Variants in ZNF512B observed in about 807,000 individuals in gnomAD.
ZNF512B encodes the protein zinc finger protein 512B.
Under a neutral mutation model 87.8 loss-of-function variants are expected in ZNF512B, and 22 were observed. That is an observed-to-expected ratio of 0.25 (90% CI 0.18 to 0.36). The LOEUF is 0.36. Ranked by LOEUF, ZNF512B falls within the 10% of genes least tolerant of loss-of-function variation. The probability of loss-of-function intolerance (pLI) is 1.00; values close to 1 mark genes in which losing one functional copy is unlikely to be tolerated. For missense variants in ZNF512B, 1,060 were observed against 1,231.6 expected, an observed-to-expected ratio of 0.86 and a Z score of 2.09; for synonymous variants, 524 against 490.9, an observed-to-expected ratio of 1.07 and a Z score of -0.89.
chr20:63,968,094 G>T, intron 1 of ZNF512B, 142 bp from the exon 2 acceptor site: 1 of 1,096,328 alleles, frequency 9.1e-7, no homozygotes, highest in Non-Finnish European at 1.3e-6. Context: ...GTTCACGTGG[G>T]AAAAGCAAGT....
intron 1 of ZNF512B, among the ~76,000 whole-genome samples, chr20:63,968,436 G>A (rs572704440): frequency 8.1e-4 from 123 of 152,308 alleles, no homozygotes; most frequent in African/African-American, 2.8e-3. Context: ...CTCACAAGCT[G>A]CCCAGGCCCA....
Position 63,966,390 on chromosome 20 carries a change from T to A in ZNF512B, c.785A>T (p.Lys262Met). Reference sequence around the variant, plus strand: ...TACGGGTTTGGTGACCGGCACAGACTTGGTGACTGTGATGGGTTTGGTGAC... The same window carrying A: ...TACGGGTTTGGTGACCGGCACAGACATGGTGACTGTGATGGGTTTGGTGAC... ...MPVTKPITVT[K>M]SVPVTKPVPV... Residue 262 changes from lysine to methionine, a missense_variant, in exon 5 of 17, where the codon AAG (lysine) becomes ATG (methionine). Physicochemically the swap from Lys to Met is moderately conservative, Grantham distance 95 (BLOSUM62 -1). Transcript: ENST00000369888. 6.2e-7 allele frequency: 1 copy of A among 1,613,668 alleles called. No homozygotes were observed. The highest frequency in any genetic ancestry group is 8.5e-7 in the Non-Finnish European group (1 of 1,179,856).
Position 63,962,567 on chromosome 20 carries a change from C to A in ZNF512B, c.2163+20G>T. On this transcript the variant is annotated intron_variant, in intron 13 of 16. Coordinates refer to ENST00000369888, the MANE Select transcript of ZNF512B (RefSeq NM_020713.3). The stretch of plus-strand genomic sequence containing the variant: ...GCAGAGGCCACGGCGCTGTCCACAG[C>A]CCTGGGGGGGGCAGCTCACCCGTGC... 6.3e-7 allele frequency: 1 copy of A among 1,598,456 alleles called. No individual in the cohort carries two copies. The highest frequency in any genetic ancestry group is 1.1e-5 in the South Asian group (1 of 89,944).
rs1171625325 is a variant in ZNF512B at position 63,966,152 on chromosome 20, A to G, written c.1023T>C (p.Ser341=). The G allele has an allele frequency of 1.3e-6, 2 of 1,599,624 alleles. No homozygotes were observed. The highest frequency in any genetic ancestry group is 1.7e-6 in the Non-Finnish European group (2 of 1,171,040). The part of the protein sequence containing the change: ...NKAPRATGRN[S]GKKRAADSLD... ...ACGAGCCCCCATACCTTTTCTTACC[A>G]CTGTTCCTCCCTGTGGCACGAGGTG... The change falls in exon 5 of 17, where the codon AGT becomes AGC. Residue 341 remains serine, a synonymous_variant. Coordinates refer to ENST00000369888, the MANE Select transcript of ZNF512B (RefSeq NM_020713.3).
rs757760834 is a variant in ZNF512B, at chr20:63,959,918, C to T, written c.2649G>A (p.Lys883=). 3.7e-6 allele frequency: 6 copies of T among 1,602,788 alleles called. No individual in the cohort carries two copies. Among genetic ancestry groups the T allele is most frequent in the African/African-American group, 2.7e-5 (2 of 74,594 alleles). ...DKGARGSTGR[K]VGVSKAPEK ...TTTCAGGCGCCTTGCTGACTCCCAC[C>T]TTCCGGCCGGTGGAGCCCCGGGCCC... The change falls in exon 17 of 17, where the codon AAG becomes AAA. Residue 883 remains lysine (K), a synonymous_variant. Transcript: ENST00000369888.
intron 3 of ZNF512B, 45 bp from the exon 4 acceptor site, chr20:63,967,049 G>A: frequency 1.9e-6 from 3 of 1,608,626 alleles, no homozygotes; most frequent in Non-Finnish European, 1.7e-6. Context: ...AGCCACCTGG[G>A]CCACTGCCAG....
intron 1 of ZNF512B, chr20:63,969,312 C>G (rs1966954516): frequency 1.4e-5 from 6 of 427,696 alleles, no homozygotes; most frequent in Non-Finnish European, 1.9e-5. Flanking sequence ...GCGACTGGCG[C>G]CCCGGATGAG....
rs1456673337 is a variant in ZNF512B, at chr20:63,966,438, A to G, written c.737T>C (p.Met246Thr). The change falls in exon 5 of 17, where the codon ATG (methionine) becomes ACG (threonine). Residue 246 changes from methionine (M) to threonine (T), a missense_variant. Physicochemically the swap from Met to Thr is moderately conservative, Grantham distance 81 (BLOSUM62 -1). Coordinates refer to ENST00000369888, the MANE Select transcript of ZNF512B (RefSeq NM_020713.3). ...GACCGGCATGGCCTTGGTGACGGGC[A>G]TGGGCCTGCTGACTGTGACAGGTTT... ...VTKPVTVSRPMPVTKAMPVTK... is the reference protein window; with the variant it reads ...VTKPVTVSRPTPVTKAMPVTK... The G allele has an allele frequency of 1.2e-6, 2 of 1,614,022 alleles. No homozygotes were observed. Among genetic ancestry groups the G allele is most frequent in the Non-Finnish European group, 1.7e-6 (2 of 1,180,010 alleles).
chr20:63,962,246 G>GC (rs757293672), intron 14 of ZNF512B, 27 bp downstream of exon 14: 6 of 1,582,282 alleles, frequency 3.8e-6, no homozygotes, highest in South Asian at 2.3e-5. Flanking sequence ...GGCTCCCCAC[G>GC]CCCCCCACCC....
chr20:63,964,146 C>A lies in ZNF512B; in HGVS notation c.1405G>T (p.Ala469Ser), dbSNP rs375990139. Reference protein sequence around the residue: ...KKQEGPGPEDARKKVPAAPIT... With the variant: ...KKQEGPGPEDSRKKVPAAPIT... ...GGGGCAGCTGGCACCTTCTTCCGGG[C>A]GTCCTCAGGGCCTGGCCCCTCCTGC... Residue 469 changes from alanine to serine, a missense_variant, in exon 8 of 17, where the codon GCC (alanine) becomes TCC (serine). Physicochemically the swap from Ala to Ser is moderately conservative, Grantham distance 99 (BLOSUM62 1). This residue lies in a region of ZNF512B where 212 missense variants were observed against 207.6 expected (regional missense o/e 1.02). Transcript: ENST00000369888. The A allele has an allele frequency of 1.2e-6, 2 of 1,603,494 alleles. No individual in the cohort carries two copies. Among genetic ancestry groups the A allele is most frequent in the East Asian group, 2.2e-5 (1 of 44,846 alleles).
Position 63,960,065 on chromosome 20 carries a change from C to A in ZNF512B, c.2502G>T (p.Lys834Asn). 1 of 1,614,028 alleles carries A rather than the reference C, an allele frequency of 6.2e-7. No homozygotes were observed. The highest frequency in any genetic ancestry group is 8.5e-7 in the Non-Finnish European group (1 of 1,180,024). Residue 834 changes from lysine to asparagine, a missense_variant, in exon 17 of 17, where the codon AAG becomes AAT. By Grantham distance (94) the Lys-to-Asn change is moderately conservative. This residue lies in a region of ZNF512B where 253 missense variants were observed against 259.2 expected (regional missense o/e 0.98). Coordinates refer to ENST00000369888, the MANE Select transcript of ZNF512B (RefSeq NM_020713.3). ...SQDSLVPKKE[K>N]KKNLAGGKKR... ...TCTTTCCACCTGCCAGATTTTTCTT[C>A]TTTTCCTTCTTGGGCACCAATGAGT...
At chr20:63,962,968 T>C (rs950552302) in intron 12 of ZNF512B, 127 bp downstream of exon 12, 3 of 1,330,794 alleles carry the variant, frequency 2.3e-6, no homozygotes, top group East Asian at 2.5e-5. Flanking sequence ...ACACGTCTCT[T>C]ACAGAGAGGG....
In ZNF512B at chr20:63,963,905, C is replaced by T. The variant is rs772396713; in HGVS notation, c.1489G>A (p.Glu497Lys). The change falls in exon 9 of 17, where the codon GAA becomes AAA. Residue 497 changes from glutamate (E) to lysine (K), a missense_variant. Coordinates refer to ENST00000369888, the MANE Select transcript of ZNF512B (RefSeq NM_020713.3). ...TGGATGGCCCTCTGCCACTGCTCTT[C>T]AGGGCCACCTGTGGGTAAGGCAGGG... is the stretch of plus-strand genomic sequence containing the variant. ...PVAHPAPGGP[E>K]EQWQRAIHER... 3.7e-6 allele frequency: 6 copies of T among 1,610,570 alleles called. No individual in the cohort carries two copies. The highest frequency in any genetic ancestry group is 5.1e-6 in the Non-Finnish European group (6 of 1,179,992).
chr20:63,962,308 C>T lies in ZNF512B; in HGVS notation c.2230G>A (p.Val744Met), dbSNP rs201853605. 1.3e-5 allele frequency: 21 copies of T among 1,612,700 alleles called. No homozygotes were observed. In the South Asian group the frequency reaches 2.3e-4, roughly 18 times the overall value. ...CAGTTGACGTGGCCTTTCTCCTTCA[C>T]TTCATTCTTCCATGCCTCTAGCAGC... Reference protein sequence around the residue: ...PQLLEAWKNEVKEKGHVNCPN... With the variant: ...PQLLEAWKNEMKEKGHVNCPN... The change falls in exon 14 of 17, where the codon GTG (valine) becomes ATG (methionine). Residue 744 changes from valine (V) to methionine (M), a missense_variant. Around this residue, in one of 9 missense-constraint regions of ZNF512B, gnomAD observed 253 missense variants for 259.2 expected, o/e 0.98. Transcript: ENST00000369888.
chr20:63,960,525 CTTCA>C (rs2058839182), intron 16 of ZNF512B, among the ~76,000 whole-genome samples: 1 of 128,610 alleles, frequency 7.8e-6, no homozygotes, highest in Non-Finnish European at 1.7e-5. Flanking sequence ...TGGACACAGC[CTTCA>C]GGACCAGGCA....
intron 5 of ZNF512B, among the ~76,000 whole-genome samples, 157 bp downstream of exon 5, chr20:63,965,984 G>A (rs375441922): frequency 1.9e-5 from 1 of 53,058 alleles, no homozygotes; most frequent in Non-Finnish European, 3.6e-5. Flanking sequence ...GTTCCTCCCC[G>A]ACCTGGGACG....
In ZNF512B at chr20:63,964,396, C is replaced by G; in HGVS notation, c.1262-5G>C. On this transcript the variant is annotated splice_region_variant and splice_polypyrimidine_tract_variant and intron_variant, in intron 6 of 16. Transcript: ENST00000369888. The stretch of plus-strand genomic sequence containing the variant: ...TGGGTGTTTTCTGTTTCCTTCCTGA[C>G]TCGGGGAGAGAAAACGGGGGCCAAG... 6.2e-7 allele frequency: 1 copy of G among 1,613,830 alleles called. No individual in the cohort carries two copies. The highest frequency in any genetic ancestry group is 8.5e-7 in the Non-Finnish European group (1 of 1,179,880).
At chr20:63,960,765 G>A (rs2058842486) in intron 16 of ZNF512B, among the ~76,000 whole-genome samples, 1 of 142,240 alleles carries the variant, frequency 7.0e-6, no homozygotes, top group African/African-American at 2.7e-5. Context: ...CCTGCAGCAG[G>A]GCTGGACACA....
chr20:63,966,539 G>A lies in ZNF512B; in HGVS notation c.636C>T (p.Ile212=). 6.2e-7 allele frequency: 1 copy of A among 1,614,068 alleles called. No homozygotes were observed. Among genetic ancestry groups the A allele is most frequent in the East Asian group, 2.2e-5 (1 of 44,886 alleles). ...GTCTGCCGACCGAGACTGGCTTGCT[G>A]ATGCCAATGGGTTTGCTGACACCCA... ...KPVGVSKPIG[I]SKPVSVGRPM... Residue 212 remains isoleucine, a synonymous_variant, in exon 5 of 17, where the codon ATC becomes ATT. Transcript: ENST00000369888.
Sources: gnomAD v4.1 joint callset for allele counts (sites outside exome capture counted in the v4.1 genomes callset) on GRCh38, gnomAD v4.1.1 for gene constraint, gnomAD v4.1.1 regional missense constraint, MANE v1.5 for transcripts, NCBI Gene and HGNC (gene_info 2026-07-23, HGNC 2026-07-21) for gene names.